Variants in COL11A2 observed in about 807,000 individuals in gnomAD.
The protein encoded by COL11A2 is collagen alpha-2(XI) chain.
A neutral mutation model predicts 273.4 loss-of-function variants in COL11A2; 116 were observed. The observed-to-expected ratio is 0.42, with a 90% confidence interval of 0.36 to 0.49. The LOEUF (loss-of-function observed/expected upper bound fraction) is 0.49. Among genes scored for constraint, COL11A2 ranks in the 20% least tolerant of loss-of-function variants. The pLI, the probability that COL11A2 is intolerant of heterozygous loss-of-function variation, is 0.00. For missense variants in COL11A2, 1,866 were observed against 2,309.0 expected (o/e 0.81, Z 3.93); for synonymous variants, 782 against 864.2 (o/e 0.90, Z 1.67).
At chr6:33,184,548 A>G (rs1772129104) in intron 7 of COL11A2, among the ~76,000 whole-genome samples, 1 of 152,184 alleles carries the variant, frequency 6.6e-6, no homozygotes, top group East Asian at 1.9e-4. Flanking sequence ...GTCCAGTGGG[A>G]AGAAGTGGTG....
intron 8 of COL11A2, among the ~76,000 whole-genome samples, chr6:33,181,694 C>T (rs1216530198): frequency 6.6e-6 from 1 of 151,940 alleles, no homozygotes; most frequent in Non-Finnish European, 1.5e-5. Context: ...CCGTGTTGGC[C>T]AGGCTGGTCT....
upstream of COL11A2, among the ~76,000 whole-genome samples, chr6:33,192,981 G>C (rs889169177): frequency 5.3e-5 from 8 of 152,198 alleles, no homozygotes; most frequent in African/African-American, 1.9e-4. Flanking sequence ...GGATGTGGGG[G>C]AAGGTGTTCT....
At position 33,179,380 on chromosome 6, in the gene COL11A2, C is replaced by T. The variant is rs1314333892; in HGVS notation, c.1503+51G>A. The T allele has an allele frequency of 1.3e-6, 2 of 1,567,586 alleles. No homozygotes were observed. The highest frequency in any genetic ancestry group is 1.7e-6 in the Non-Finnish European group (2 of 1,155,994). On this transcript the variant is annotated intron_variant, in intron 14 of 65. Coordinates refer to ENST00000341947, the MANE Select transcript of COL11A2 (RefSeq NM_080680.3). This position sits in a 1 kb window ranked among gnomAD's most constrained non-coding sequence, Gnocchi z 6.4. ...AGAAGCCCCTTTCCAGAACTATCCA[C>T]ACCCCACACACAATTAAAGCATCCT...
Position 33,189,861 on chromosome 6 carries a change from G to T in COL11A2, c.83-392C>A, listed in dbSNP as rs1289939822. Among the ~76,000 whole-genome samples the T allele has an allele frequency of 1.3e-5, 2 of 151,964 alleles. No homozygotes were observed. Among genetic ancestry groups the T allele is most frequent in the Non-Finnish European group, 1.5e-5 (1 of 67,962 alleles). ...TCTTTATGTTGGTCTTTCTGTCTCTGTCTCTTCTGTCTTCCTCCATTTCTC... is the reference window on the plus strand; with the variant it reads ...TCTTTATGTTGGTCTTTCTGTCTCTTTCTCTTCTGTCTTCCTCCATTTCTC... On this transcript the variant is annotated intron_variant, in intron 1 of 65. Transcript: ENST00000341947. This position sits in a 1 kb window ranked among gnomAD's most constrained non-coding sequence, Gnocchi z 5.6.
At position 33,179,440 on chromosome 6, in the gene COL11A2, A is replaced by G. The variant is rs771177469; in HGVS notation, c.1494T>C (p.Pro498=). Reference sequence around the variant, plus strand: ...CACCCTGCTCACTCACCAAGGGTCCAGGGCGCCCTGTGTATCCCATGGGGC... The same window carrying G: ...CACCCTGCTCACTCACCAAGGGTCCGGGGCGCCCTGTGTATCCCATGGGGC... ...PPGPMGYTGR[P]GPLGQPGSPG... is the part of the protein sequence containing the mutation. Residue 498 remains proline (P), a synonymous_variant, in exon 14 of 66, where the codon CCT becomes CCC. Transcript: ENST00000341947. The surrounding 1 kb of genome is among the most constrained non-coding windows in gnomAD (Gnocchi z 6.4). The G allele has an allele frequency of 4.5e-6, 7 of 1,569,492 alleles. No individual in the cohort carries two copies. The African/African-American group carries it at 8.1e-5, about 18-fold the overall frequency.
chr6:33,177,000 C>A lies in COL11A2; in HGVS notation c.2062G>T (p.Gly688Ter). 2 of 1,611,434 alleles carry A rather than the reference C, an allele frequency of 1.2e-6. No homozygotes were observed. Among genetic ancestry groups the A allele is most frequent in the Non-Finnish European group, 1.7e-6 (2 of 1,179,260 alleles). Residue 688 changes from glycine to a stop codon, truncating the protein, a stop_gained, in exon 25 of 66, where the codon GGA (glycine) becomes TGA (stop). Coordinates refer to ENST00000341947, the MANE Select transcript of COL11A2 (RefSeq NM_080680.3). LOFTEE classifies it high-confidence loss of function. This position sits in a 1 kb window ranked among gnomAD's most constrained non-coding sequence, Gnocchi z 4.9. ...AGTGGGGTCCCACTCACCGGGGGTC[C>A]GTCTGAGCCAGGCATGCCGGGGAGC... ...PGLPGMPGSD[G>*]PPGHPGKEGP...
In COL11A2 at chr6:33,180,951, C is replaced by T; in HGVS notation, c.1221+13G>A. 1 of 1,613,948 alleles carries T rather than the reference C, an allele frequency of 6.2e-7. No individual in the cohort carries two copies. On this transcript the variant is annotated intron_variant, in intron 10 of 65. Coordinates refer to ENST00000341947, the MANE Select transcript of COL11A2 (RefSeq NM_080680.3). ...TAAGAAAAGAATGGCCACCAGGTCA[C>T]TGCTAGACTTACCGCAGGGCCTTCT...
rs1772871711 is a variant in COL11A2, at chr6:33,189,613, A to G, written c.83-144T>C. On this transcript the variant is annotated intron_variant, in intron 1 of 65. Coordinates refer to ENST00000341947, the MANE Select transcript of COL11A2 (RefSeq NM_080680.3). The surrounding 1 kb of genome is among the most constrained non-coding windows in gnomAD (Gnocchi z 5.6). ...ACCTCACCCTCACTTGCTTCTGAAC[A>G]GTACCTGAATGGATGGGAAATGCAA... The G allele has an allele frequency of 1.8e-6, 2 of 1,103,182 alleles. No homozygotes were observed. Among genetic ancestry groups the G allele is most frequent in the Admixed American group, 2.3e-5 (1 of 44,052 alleles). 68.3% of individuals were successfully genotyped at this position (1,103,182 alleles called of 1,614,324 possible).
upstream of COL11A2, among the ~76,000 whole-genome samples, chr6:33,193,180 G>T (rs927795966): frequency 1.3e-5 from 2 of 152,096 alleles, no homozygotes; most frequent in Non-Finnish European, 2.9e-5. Context: ...GGGGACGTGG[G>T]CCGCCTCCGG....
Position 33,163,460 on chromosome 6 carries a change from A to G in COL11A2, c.*218T>C. On this transcript the variant is annotated 3_prime_UTR_variant, in exon 66 of 66. Transcript: ENST00000341947. The surrounding 1 kb of genome is among the most constrained non-coding windows in gnomAD (Gnocchi z 4.1). Reference sequence around the variant, plus strand: ...AGCTCTCTAACGGGTAACAGGCTCCAGGTGGGAGGGCCAAGAGCCCCAGAT... The same window carrying G: ...AGCTCTCTAACGGGTAACAGGCTCCGGGTGGGAGGGCCAAGAGCCCCAGAT... The G allele has an allele frequency of 3.2e-6, 2 of 629,252 alleles. No homozygotes were observed. Among genetic ancestry groups the G allele is most frequent in the East Asian group, 2.8e-5 (1 of 36,300 alleles). 39.0% of individuals were successfully genotyped at this position (629,252 alleles called of 1,614,324 possible).
chr6:33,188,263 A>T (rs1772658680), intron 4 of COL11A2, 99 bp downstream of exon 4: 4 of 1,385,486 alleles, frequency 2.9e-6, no homozygotes, highest in Non-Finnish European at 4.1e-6. Context: ...AAAAAAATGA[A>T]GGCCTAGGGA....
In COL11A2 at chr6:33,172,334, A is replaced by T. The variant is rs1478540596; in HGVS notation, c.2943T>A (p.Ala981=). The T allele has an allele frequency of 1.3e-6, 2 of 1,589,944 alleles. No homozygotes were observed. Among genetic ancestry groups the T allele is most frequent in the Non-Finnish European group, 1.7e-6 (2 of 1,169,140 alleles). The change falls in exon 40 of 66, where the codon GCT becomes GCA. Residue 981 remains alanine, a synonymous_variant. Coordinates refer to ENST00000341947, the MANE Select transcript of COL11A2 (RefSeq NM_080680.3). ...PPGAPGKDGP[A]GLRGFPGERG... ...TCTCTCCTGGGAATCCCCTCAGACC[A>T]GCAGGACCATCCTTCCCTGGGGCCC...
At position 33,177,532 on chromosome 6, in the gene COL11A2, T is replaced by C. The variant is rs893162788; in HGVS notation, c.1918-67A>G. ...ATAGAACACATTTAGAGCATGGAGC[T>C]GAGTCCCAGCAGCGATAGCCAAGAA... On this transcript the variant is annotated intron_variant, in intron 22 of 65. Transcript: ENST00000341947. This position sits in a 1 kb window ranked among gnomAD's most constrained non-coding sequence, Gnocchi z 5.9. 8 of 1,594,814 alleles carry C rather than the reference T, an allele frequency of 5.0e-6. No homozygotes were observed. The highest frequency in any genetic ancestry group is 1.7e-4 in the Middle Eastern group (1 of 6,056).
At position 33,163,729 on chromosome 6, in the gene COL11A2, G is replaced by C. The variant is rs139647701; in HGVS notation, c.5160C>G (p.Ala1720=). 1.6e-4 allele frequency: 261 copies of C among 1,613,048 alleles called. No homozygotes were observed. In the African/African-American group the frequency reaches 2.4e-3, roughly 15 times the overall value. Residue 1720 remains alanine, a synonymous_variant, in exon 66 of 66, where the codon GCC becomes GCG. Coordinates refer to ENST00000341947, the MANE Select transcript of COL11A2 (RefSeq NM_080680.3). This position sits in a 1 kb window ranked among gnomAD's most constrained non-coding sequence, Gnocchi z 4.1. ...VLDASFSDLG[A]PPRRGGVLLG... The stretch of plus-strand genomic sequence containing the variant: ...GCAGCACCCCTCCCCGCCTCGGTGG[G>C]GCTCCCAGGTCTGAGAAGGAGGCAT...
chr6:33,165,402 C>G lies in COL11A2; in HGVS notation c.4750+147G>C, dbSNP rs1416607039. 8.1e-7 allele frequency: 1 copy of G among 1,234,106 alleles called. No homozygotes were observed. Among genetic ancestry groups the G allele is most frequent in the Non-Finnish European group, 1.2e-6 (1 of 857,466 alleles). 76.4% of individuals were successfully genotyped at this position (1,234,106 alleles called of 1,614,324 possible). On this transcript the variant is annotated intron_variant, in intron 63 of 65. Transcript: ENST00000341947. The surrounding 1 kb of genome is among the most constrained non-coding windows in gnomAD (Gnocchi z 7.7). The stretch of plus-strand genomic sequence containing the variant: ...TGCTAAAGTATTGGGATACTTCTGA[C>G]CTGGTTAGTAAATAGCTGCAGTTCC...
In COL11A2 at chr6:33,167,938, T is replaced by A. The variant is rs1282344326; in HGVS notation, c.3961-86A>T. 6.3e-6 allele frequency: 9 copies of A among 1,426,208 alleles called. No homozygotes were observed. Among genetic ancestry groups the A allele is most frequent in the Non-Finnish European group, 8.8e-6 (9 of 1,020,262 alleles). 88.3% of individuals were successfully genotyped at this position (1,426,208 alleles called of 1,614,324 possible). A position where few individuals can be genotyped will look rare whatever the true frequency, so the allele number is the denominator to read the frequency against. On this transcript the variant is annotated intron_variant, in intron 54 of 65. Coordinates refer to ENST00000341947, the MANE Select transcript of COL11A2 (RefSeq NM_080680.3). This position sits in a 1 kb window ranked among gnomAD's most constrained non-coding sequence, Gnocchi z 6.1. ...CCCCTTCCTGTCCTAGACACACACATACACATGCACACACACACGTGCATA... is the reference window on the plus strand; with the variant it reads ...CCCCTTCCTGTCCTAGACACACACAAACACATGCACACACACACGTGCATA...
Position 33,178,174 on chromosome 6 carries a change from A to T in COL11A2, c.1830T>A (p.Gly610=), listed in dbSNP as rs749961835. 1 of 1,611,196 alleles carries T rather than the reference A, an allele frequency of 6.2e-7. No individual in the cohort carries two copies. Among genetic ancestry groups the T allele is most frequent in the African/African-American group, 1.3e-5 (1 of 74,882 alleles). ...RGLPGESGPR[G]LLGPKGPPGI... ...CAGGTGGGCCTTTGGGGCCAAGGAG[A>T]CCTCGAGGTCCCTGCATTCACGGTG... is the stretch of plus-strand genomic sequence containing the variant. Residue 610 remains glycine, a synonymous_variant, in exon 21 of 66, where the codon GGT becomes GGA. Transcript: ENST00000341947. This position sits in a 1 kb window ranked among gnomAD's most constrained non-coding sequence, Gnocchi z 4.6.
In COL11A2 at chr6:33,173,518, C is replaced by T. The variant is rs1770440344; in HGVS notation, c.2666G>A (p.Gly889Glu). Residue 889 changes from glycine (G) to glutamate (E), a missense_variant, in exon 36 of 66, where the codon GGA (glycine) becomes GAA (glutamate). Physicochemically the swap from Gly to Glu is moderately conservative, Grantham distance 98 (BLOSUM62 -2). Coordinates refer to ENST00000341947, the MANE Select transcript of COL11A2 (RefSeq NM_080680.3). This position sits in a 1 kb window ranked among gnomAD's most constrained non-coding sequence, Gnocchi z 6.3. ...PGPQGPNGFPGPKGPPGPPGK... is the reference protein window; with the variant it reads ...PGPQGPNGFPEPKGPPGPPGK... ...TCAACTTACCGGGGGTCCTTTCGGTCCAGGAAACCCGTTGGGACCCTGAGG... is the reference window on the plus strand; with the variant it reads ...TCAACTTACCGGGGGTCCTTTCGGTTCAGGAAACCCGTTGGGACCCTGAGG... The T allele has an allele frequency of 1.2e-6, 2 of 1,610,334 alleles. No homozygotes were observed. The highest frequency in any genetic ancestry group is 1.7e-6 in the Non-Finnish European group (2 of 1,179,546).
Position 33,177,402 on chromosome 6 carries a change from C to A in COL11A2, c.1971+10G>T. Reference sequence around the variant, plus strand: ...TGAAAATTGGGGAACGGAGTAGGGGCACCGCTCACCTGGGTCCCAGGGGTG... The same window carrying A: ...TGAAAATTGGGGAACGGAGTAGGGGAACCGCTCACCTGGGTCCCAGGGGTG... On this transcript the variant is annotated intron_variant, in intron 23 of 65. Coordinates refer to ENST00000341947, the MANE Select transcript of COL11A2 (RefSeq NM_080680.3). The surrounding 1 kb of genome is among the most constrained non-coding windows in gnomAD (Gnocchi z 5.9). 1 of 1,612,824 alleles carries A rather than the reference C, an allele frequency of 6.2e-7. No individual in the cohort carries two copies.
Sources: gnomAD v4.1 joint callset for allele counts (sites outside exome capture counted in the v4.1 genomes callset) on GRCh38, gnomAD v4.1.1 for gene constraint, Gnocchi (gnomAD v3.1) non-coding constraint, MANE v1.5 for transcripts, NCBI Gene and HGNC (gene_info 2026-07-23, HGNC 2026-07-21) for gene names.